ACSF3: variants seen among roughly 807,000 people sequenced by gnomAD.
ACSF3 encodes the protein acyl-CoA synthetase family member 3.
A neutral mutation model predicts 53.2 loss-of-function variants in ACSF3; 78 were observed. The ratio of observed to expected loss-of-function variants is 1.47; its 90% confidence interval spans 1.22 to 1.77. The LOEUF is 1.77. Ranked by LOEUF, ACSF3 falls within the 40% of genes most tolerant of loss-of-function variation. The pLI, the probability that ACSF3 is intolerant of heterozygous loss-of-function variation, is 0.00. For missense variants in ACSF3, 937 were observed against 771.1 expected, an observed-to-expected ratio of 1.22 and a Z score of -2.55; for synonymous variants, 414 against 333.1, an observed-to-expected ratio of 1.24 and a Z score of -2.65.
At chr16:89,128,147 G>C (rs1409362978) in intron 7 of ACSF3, among the ~76,000 whole-genome samples, 2 of 151,534 alleles carry the variant, frequency 1.3e-5, no homozygotes, top group Non-Finnish European at 2.9e-5. Flanking sequence ...TTAGATTATT[G>C]ATTTGAGACC....
chr16:89,114,016 T>C (rs1904569816), intron 5 of ACSF3: 1 of 393,606 alleles, frequency 2.5e-6, no homozygotes, highest in Non-Finnish European at 4.9e-6. Flanking sequence ...TTGAGCGTGG[T>C]TGTGAACAGC....
At chr16:89,127,042 C>G (rs1015213109) in intron 7 of ACSF3, among the ~76,000 whole-genome samples, 6 of 152,116 alleles carry the variant, frequency 3.9e-5, no homozygotes, top group African/African-American at 1.4e-4. Context: ...TACATTGAAC[C>G]AAGCTTTCAT....
chr16:89,118,636 G>C (rs1905815943), intron 6 of ACSF3, among the ~76,000 whole-genome samples: 1 of 152,236 alleles, frequency 6.6e-6, no homozygotes, highest in Non-Finnish European at 1.5e-5. Flanking sequence ...GGTTCCTGTG[G>C]AGGGAGATGA....
At chr16:89,121,172 C>G (rs1169392541) in intron 7 of ACSF3, among the ~76,000 whole-genome samples, 2 of 152,254 alleles carry the variant, frequency 1.3e-5, no homozygotes, top group Admixed American at 6.5e-5. Flanking sequence ...GGACTCACAC[C>G]CGGGCACACA....
chr16:89,129,783 TTA>T (rs1248973786), intron 7 of ACSF3, among the ~76,000 whole-genome samples: 7 of 152,248 alleles, frequency 4.6e-5, no homozygotes, highest in Admixed American at 4.6e-4. Context: ...CATAGTTTTT[TTA>T]GTAGTAGTTC....
chr16:89,132,230 C>T (rs1014921295), intron 7 of ACSF3, among the ~76,000 whole-genome samples: 4 of 152,244 alleles, frequency 2.6e-5, no homozygotes, highest in Admixed American at 2.0e-4. Context: ...CAGTGAGACT[C>T]TTGTACGCAT....
intron 10 of ACSF3, chr16:89,153,532 T>C (rs1455155363): frequency 1.2e-5 from 2 of 162,516 alleles, no homozygotes; most frequent in Non-Finnish European, 2.7e-5. Context: ...TTTCAAACCT[T>C]AGGGGCCGTC....
intron 7 of ACSF3, among the ~76,000 whole-genome samples, chr16:89,124,778 C>T (rs890261595): frequency 7.7e-5 from 7 of 90,486 alleles, no homozygotes; most frequent in South Asian, 3.0e-4. Flanking sequence ...GACACCTGTG[C>T]GCACACTGCA....
rs905798210 is a variant in ACSF3 at position 89,112,314 on chromosome 16, A to G, written c.977+68A>G. On this transcript the variant is annotated intron_variant, in intron 5 of 10. Transcript: ENST00000614302. ...GATCAACAGATACGACTTATTTCTA[A>G]TAAATCACTCCTACTAAGTTCTGGG... 3.2e-6 allele frequency: 5 copies of G among 1,583,262 alleles called. No homozygotes were observed. In the African/African-American group the frequency reaches 6.7e-5, roughly 21 times the overall value.
chr16:89,101,067 A>G lies in ACSF3; in HGVS notation c.386A>G (p.His129Arg). ...GTGGCAGTCCCCCTCTACAGGAAGC[A>G]TCCCGCGGCCCAGCTGGAGTATGTC... is the stretch of plus-strand genomic sequence containing the variant. ...GGVAVPLYRK[H>R]PAAQLEYVIC... The change falls in exon 3 of 11, where the codon CAT becomes CGT. Residue 129 changes from histidine (H) to arginine (R), a missense_variant. Coordinates refer to ENST00000614302, the MANE Select transcript of ACSF3 (RefSeq NM_001243279.3). 2 of 1,613,902 alleles carry G rather than the reference A, an allele frequency of 1.2e-6. No individual in the cohort carries two copies. The highest frequency in any genetic ancestry group is 1.3e-5 in the African/African-American group (1 of 74,910).
In ACSF3 at chr16:89,145,301, G is replaced by T; in HGVS notation, c.1401G>T (p.Trp467Cys). 6.2e-7 allele frequency: 1 copy of T among 1,614,130 alleles called. No individual in the cohort carries two copies. Among genetic ancestry groups the T allele is most frequent in the Non-Finnish European group, 8.5e-7 (1 of 1,179,984 alleles). Residue 467 changes from tryptophan (W) to cysteine (C), a missense_variant, in exon 9 of 11, where the codon TGG (tryptophan) becomes TGT (cysteine). By Grantham distance (215) the Trp-to-Cys change is radical. Coordinates refer to ENST00000614302, the MANE Select transcript of ACSF3 (RefSeq NM_001243279.3). ...TGGTGTTTAAGGATGGCCAGTACTG[G>T]ATCCGAGGCCGGACCTCAGTGGACA... is the stretch of plus-strand genomic sequence containing the variant. ...DTVVFKDGQY[W>C]IRGRTSVDII...
chr16:89,119,754 C>G (rs1438999921), intron 6 of ACSF3, among the ~76,000 whole-genome samples: 2 of 152,210 alleles, frequency 1.3e-5, no homozygotes, highest in African/African-American at 4.8e-5. Flanking sequence ...GCCTGCAGGA[C>G]CCCAGGTGTG....
intron 6 of ACSF3, among the ~76,000 whole-genome samples, chr16:89,115,492 C>T (rs1274166480): frequency 6.6e-6 from 1 of 152,234 alleles, no homozygotes; most frequent in Non-Finnish European, 1.5e-5. Flanking sequence ...TGCGTCAGAG[C>T]CCGCGCCTTT....
intron 8 of ACSF3, among the ~76,000 whole-genome samples, chr16:89,142,769 A>G (rs1254129081): frequency 2.0e-5 from 3 of 146,470 alleles, no homozygotes; most frequent in East Asian, 2.1e-4. Flanking sequence ...ACCCACACCT[A>G]CAGAGACACC....
rs1912621772 is a variant in ACSF3, at chr16:89,145,012, GGACCCCACAGGAAGGGCA to G, written c.1367-245_1367-228del. The G allele has an allele frequency of 3.2e-6, 3 of 934,034 alleles. No individual in the cohort carries two copies. In the South Asian group the frequency reaches 4.6e-5, roughly 14 times the overall value. 57.9% of individuals were successfully genotyped at this position (934,034 alleles called of 1,614,324 possible). A position where few individuals can be genotyped will look rare whatever the true frequency, so the allele number is the denominator to read the frequency against. The stretch of plus-strand genomic sequence containing the variant: ...GTGCATACAGCTGAGCATGGGGAAG[GGACCCCACAGGAAGGGCA>G]GACCCCACATCATGGGCACAGTCCC... On this transcript the variant is annotated intron_variant, in intron 8 of 10. Coordinates refer to ENST00000614302, the MANE Select transcript of ACSF3 (RefSeq NM_001243279.3).
chr16:89,133,107 C>G, intron 7 of ACSF3, 29 bp from the exon 8 acceptor site: 1 of 1,612,868 alleles, frequency 6.2e-7, no homozygotes, highest in Non-Finnish European at 8.5e-7. Context: ...GTGCCCAGCT[C>G]TGACCTCCAT....
At chr16:89,129,367 T>TATTA (rs1323727248) in intron 7 of ACSF3, among the ~76,000 whole-genome samples, 2 of 152,220 alleles carry the variant, frequency 1.3e-5, no homozygotes, top group African/African-American at 4.8e-5. Context: ...AATTGACTCT[T>TATTA]ATTAACATTT....
chr16:89,100,515 G>C (rs931189648), intron 2 of ACSF3, 147 bp from the exon 3 acceptor site: 141 of 762,644 alleles, frequency 1.8e-4, no homozygotes, highest in African/African-American at 1.0e-4. Context: ...AGAAAGGCTG[G>C]ACGTGGCCTG....
At chr16:89,097,079 G>A (rs998809186) in intron 1 of ACSF3, among the ~76,000 whole-genome samples, 1 of 152,248 alleles carries the variant, frequency 6.6e-6, no homozygotes, top group African/African-American at 2.4e-5. Flanking sequence ...CCGTGGCTTC[G>A]CCCTGCGGGG....
Sources: allele counts gnomAD v4.1 joint callset (sites outside exome capture counted in the v4.1 genomes callset), GRCh38; gene constraint gnomAD v4.1.1; transcripts MANE v1.5; gene names NCBI Gene and HGNC (gene_info 2026-07-23, HGNC 2026-07-21).